The following CTTNBP2NL variants were observed in gnomAD, a reference collection of about 807,000 sequenced individuals.
CTTNBP2NL encodes CTTNBP2 N-terminal-like protein.
CTTNBP2NL carries 16 observed loss-of-function variants against 32.5 expected under a neutral mutation model. That is an observed-to-expected ratio of 0.49 (90% confidence interval 0.33 to 0.75). The LOEUF is 0.75. Among genes scored for constraint, CTTNBP2NL ranks in the 30% least tolerant of loss-of-function variants. The probability of loss-of-function intolerance (pLI) is 0.02; values close to 1 mark genes in which losing one functional copy is unlikely to be tolerated. For missense variants in CTTNBP2NL, 645 were observed against 756.0 expected, an observed-to-expected ratio of 0.85 and a Z score of 1.72; for synonymous variants, 298 against 289.4, an observed-to-expected ratio of 1.03 and a Z score of -0.30.
intron 3 of CTTNBP2NL, among the ~76,000 whole-genome samples, chr1:112,421,315 T>C (rs6658095): frequency 2.4e-4 from 10 of 41,822 alleles, no homozygotes; most frequent in Non-Finnish European, 3.9e-4. Context: ...CTTTTCTTTT[T>C]TTTTTTTTTT....
intron 3 of CTTNBP2NL, among the ~76,000 whole-genome samples, chr1:112,443,276 C>G (rs898333864): frequency 6.6e-6 from 1 of 152,180 alleles, no homozygotes; most frequent in African/African-American, 2.4e-5. Context: ...TGCAGTGGTG[C>G]GATCTTGGCT....
At chr1:112,405,332 C>G (rs968559753) in intron 1 of CTTNBP2NL, among the ~76,000 whole-genome samples, 1 of 152,138 alleles carries the variant, frequency 6.6e-6, no homozygotes, top group African/African-American at 2.4e-5. Context: ...GAGTCTTGCT[C>G]TGTCTCCCAG....
In CTTNBP2NL at chr1:112,454,454, C is replaced by A. The variant is rs754052354; in HGVS notation, c.336C>A (p.Ile112=). 6.2e-7 allele frequency: 1 copy of A among 1,612,494 alleles called. No homozygotes were observed. Among genetic ancestry groups the A allele is most frequent in the Non-Finnish European group, 8.5e-7 (1 of 1,178,674 alleles). ...AAAESRHRKV[I]LDLEEERQRH... is the part of the protein sequence containing the mutation. ...ATTTAAAAAATTCTTTAAAGGTGATCCTAGACCTTGAGGAAGAAAGGCAGC... is the reference window on the plus strand; with the variant it reads ...ATTTAAAAAATTCTTTAAAGGTGATACTAGACCTTGAGGAAGAAAGGCAGC... The change falls in exon 5 of 6, where the codon ATC becomes ATA. Residue 112 remains isoleucine (I), a synonymous_variant. Transcript: ENST00000271277.
intron 3 of CTTNBP2NL, among the ~76,000 whole-genome samples, chr1:112,419,988 C>T (rs1649177563): frequency 6.6e-6 from 1 of 152,184 alleles, no homozygotes; most frequent in Non-Finnish European, 1.5e-5. Flanking sequence ...CTGTCTAGTT[C>T]CCAACTGGGA....
Position 112,410,501 on chromosome 1 carries a change from TTA to T in CTTNBP2NL, c.-133-1689_-133-1688del, listed in dbSNP as rs370696050. ...TCTTTATCTTTTTTATTGTATATAT[TTA>T]TATGTGTATTTTTTATTGAGAAAAC... is the stretch of plus-strand genomic sequence containing the variant. On this transcript the variant is annotated intron_variant, in intron 1 of 5. Transcript: ENST00000271277. Among the ~76,000 whole-genome samples, 5 of 152,274 alleles carry T rather than the reference TTA, an allele frequency of 3.3e-5. No individual in the cohort carries two copies. In the East Asian group the frequency reaches 9.6e-4, roughly 29 times the overall value.
chr1:112,408,982 G>A (rs946482697), intron 1 of CTTNBP2NL, among the ~76,000 whole-genome samples: 1 of 152,074 alleles, frequency 6.6e-6, no homozygotes, highest in African/African-American at 2.4e-5. Context: ...ATAAAAACTA[G>A]CCAGGCGTGG....
At chr1:112,412,609 T>C (rs1036968087) in intron 2 of CTTNBP2NL, among the ~76,000 whole-genome samples, 9 of 65,570 alleles carry the variant, frequency 1.4e-4, no homozygotes, top group African/African-American at 3.0e-4. Flanking sequence ...AGTTGGTACC[T>C]TTTTTTTTTT....
intron 3 of CTTNBP2NL, among the ~76,000 whole-genome samples, chr1:112,423,787 G>A (rs1570727179): frequency 6.6e-6 from 1 of 152,128 alleles, no homozygotes; most frequent in Non-Finnish European, 1.5e-5. Context: ...GCAGTGATGC[G>A]ATCTCGGCTC....
Position 112,456,120 on chromosome 1 carries a change from G to A in CTTNBP2NL, c.628G>A (p.Glu210Lys), listed in dbSNP as rs1303064665. ...AGELSLKLEK[E>K]KSRVSKLEEE... ...AGAGCTGAGCCTGAAATTGGAGAAG[G>A]AGAAGAGCCGGGTGAGTAAACTGGA... The change falls in exon 6 of 6, where the codon GAG becomes AAG. Residue 210 changes from glutamate to lysine, a missense_variant. Glu to Lys is a moderately conservative substitution (Grantham distance 56). Coordinates refer to ENST00000271277, the MANE Select transcript of CTTNBP2NL (RefSeq NM_018704.3). 1.9e-6 allele frequency: 3 copies of A among 1,614,142 alleles called. No homozygotes were observed. The highest frequency in any genetic ancestry group is 2.5e-6 in the Non-Finnish European group (3 of 1,180,032).
intron 1 of CTTNBP2NL, among the ~76,000 whole-genome samples, chr1:112,401,711 A>C (rs1372178130): frequency 6.6e-6 from 1 of 152,114 alleles, no homozygotes; most frequent in Admixed American, 6.5e-5. Flanking sequence ...GAAAGGCGGG[A>C]GTTTGTGGGT....
chr1:112,410,483 C>A (rs1648822991), intron 1 of CTTNBP2NL, among the ~76,000 whole-genome samples: 2 of 150,700 alleles, frequency 1.3e-5, no homozygotes, highest in African/African-American at 2.4e-5. Flanking sequence ...ATATCTTTAT[C>A]TTTTTTATTG....
intron 2 of CTTNBP2NL, among the ~76,000 whole-genome samples, chr1:112,415,223 A>C (rs1649019323): frequency 6.6e-6 from 1 of 152,128 alleles, no homozygotes; most frequent in East Asian, 1.9e-4. Context: ...TTTAAACCCT[A>C]TACTTTGAGA....
chr1:112,401,928 G>A (rs1444059329), intron 1 of CTTNBP2NL, among the ~76,000 whole-genome samples: 1 of 152,184 alleles, frequency 6.6e-6, no homozygotes, highest in Non-Finnish European at 1.5e-5. Flanking sequence ...TGAATTTAAA[G>A]AATGCAACCC....
chr1:112,439,842 T>C (rs549413214), intron 3 of CTTNBP2NL, among the ~76,000 whole-genome samples: 1 of 152,346 alleles, frequency 6.6e-6, no homozygotes, highest in East Asian at 1.9e-4. Flanking sequence ...ACTTCCAGGG[T>C]TGGCCTTTTC....
Position 112,457,116 on chromosome 1 carries a change from C to A in CTTNBP2NL, c.1624C>A (p.Pro542Thr), listed in dbSNP as rs1650392384. The A allele has an allele frequency of 1.9e-6, 3 of 1,614,074 alleles. No individual in the cohort carries two copies. The highest frequency in any genetic ancestry group is 2.2e-5 in the South Asian group (2 of 91,082). The stretch of plus-strand genomic sequence containing the variant: ...TCGAAATCTAGCCAACACTGCCAAT[C>A]CAAGAGGTGACACAAGCCATTCACC... Reference protein sequence around the residue: ...DYRNLANTANPRGDTSHSPTP... With the variant: ...DYRNLANTANTRGDTSHSPTP... The change falls in exon 6 of 6, where the codon CCA becomes ACA. Residue 542 changes from proline (P) to threonine (T), a missense_variant. Pro to Thr is a conservative substitution (Grantham distance 38). Transcript: ENST00000271277.
Position 112,456,385 on chromosome 1 carries a change from A to G in CTTNBP2NL, c.893A>G (p.Lys298Arg), listed in dbSNP as rs1650363520. ...EQLKKPVTVS[K>R]GTATEPLMLM... is the part of the protein sequence containing the mutation. ...TTGAAGAAACCAGTAACCGTGTCCA[A>G]AGGCACAGCAACTGAGCCTCTCATG... Residue 298 changes from lysine (K) to arginine (R), a missense_variant, in exon 6 of 6, where the codon AAA (lysine) becomes AGA (arginine). Physicochemically the swap from Lys to Arg is conservative, Grantham distance 26. Coordinates refer to ENST00000271277, the MANE Select transcript of CTTNBP2NL (RefSeq NM_018704.3). 6.2e-7 allele frequency: 1 copy of G among 1,614,088 alleles called. No homozygotes were observed.
At chr1:112,437,272 C>T (rs56303798) in intron 3 of CTTNBP2NL, among the ~76,000 whole-genome samples, 73,756 of 152,022 alleles carry the variant, frequency 0.49, 21,593 homozygotes, top group South Asian at 0.7. Flanking sequence ...TCCCTTTTCT[C>T]AGCAACCTCA....
At chr1:112,439,454 T>C (rs1649831763) in intron 3 of CTTNBP2NL, among the ~76,000 whole-genome samples, 1 of 152,212 alleles carries the variant, frequency 6.6e-6, no homozygotes, top group African/African-American at 2.4e-5. Flanking sequence ...AATAAATTTT[T>C]AGAGTTAAGA....
chr1:112,457,399 C>T lies in CTTNBP2NL; in HGVS notation c.1907C>T (p.Pro636Leu). The T allele has an allele frequency of 6.2e-7, 1 of 1,610,538 alleles. No homozygotes were observed. Among genetic ancestry groups the T allele is most frequent in the Non-Finnish European group, 8.5e-7 (1 of 1,177,732 alleles). Residue 636 changes from proline to leucine, a missense_variant, in exon 6 of 6, where the codon CCT becomes CTT. Physicochemically the swap from Pro to Leu is moderately conservative, Grantham distance 98. Transcript: ENST00000271277. ...GGTAAGGATGTTGAGTTACTTTTGCCTACCAGCAGCTAGTCCCTAGGAGGG... is the reference window on the plus strand; with the variant it reads ...GGTAAGGATGTTGAGTTACTTTTGCTTACCAGCAGCTAGTCCCTAGGAGGG... ...ANGKDVELLLPTSS is the reference protein window; with the variant it reads ...ANGKDVELLLLTSS
Sources: gnomAD v4.1 joint callset for allele counts (sites outside exome capture counted in the v4.1 genomes callset) on GRCh38, gnomAD v4.1.1 for gene constraint, MANE v1.5 for transcripts, NCBI Gene and HGNC (gene_info 2026-07-23, HGNC 2026-07-21) for gene names.